Variants in FIGN observed in about 807,000 individuals in gnomAD.
FIGN encodes the protein fidgetin.
Under a neutral mutation model 51.3 loss-of-function variants are expected in FIGN, and 11 were observed. That is an observed-to-expected ratio of 0.21 (90% CI 0.13 to 0.35). The LOEUF (loss-of-function observed/expected upper bound fraction) is 0.35, where lower values mean the gene tolerates loss of function less well. FIGN is among the 10% of genes least tolerant of loss of function. The probability of loss-of-function intolerance (pLI) is 1.00; values close to 1 mark genes in which losing one functional copy is unlikely to be tolerated. For synonymous variants in FIGN, 407 were observed against 363.2 expected (o/e 1.12, Z -1.37); for missense variants, 857 against 943.6 (o/e 0.91, Z 1.20).
chr2:163,637,739 T>C (rs1683248392), intron 2 of FIGN, among the ~76,000 whole-genome samples: 1 of 152,212 alleles, frequency 6.6e-6, no homozygotes, highest in South Asian at 2.1e-4. Flanking sequence ...TTTAAAATTT[T>C]TATTTTTCCT....
At chr2:163,630,913 C>T (rs573947045) in intron 2 of FIGN, among the ~76,000 whole-genome samples, 1 of 152,308 alleles carries the variant, frequency 6.6e-6, no homozygotes, top group Non-Finnish European at 1.5e-5. Context: ...TCATACTCCT[C>T]TCAGCCCTAA....
At position 163,609,454 on chromosome 2, in the gene FIGN, C is replaced by A. The variant is rs375836679; in HGVS notation, c.*98G>T. On this transcript the variant is annotated 3_prime_UTR_variant, in exon 3 of 3. Transcript: ENST00000333129. ...TCGTCATCTTCCCCAGTACCCTTTGCAATTTAAACTCTACTGGAAAGGGGC... is the reference window on the plus strand; with the variant it reads ...TCGTCATCTTCCCCAGTACCCTTTGAAATTTAAACTCTACTGGAAAGGGGC... The A allele has an allele frequency of 2.0e-5, 21 of 1,035,378 alleles. No homozygotes were observed. The East Asian group carries it at 4.9e-4, about 24-fold the overall frequency. 64.1% of individuals were successfully genotyped at this position (1,035,378 alleles called of 1,614,324 possible). A position where few individuals can be genotyped will look rare whatever the true frequency, so the allele number is the denominator to read the frequency against.
intron 2 of FIGN, among the ~76,000 whole-genome samples, chr2:163,648,462 A>G (rs767308287): frequency 7.2e-5 from 11 of 152,176 alleles, no homozygotes; most frequent in Non-Finnish European, 1.3e-4. Flanking sequence ...TTTTCCTGTC[A>G]TTAGGGATTT....
rs142790757 is a variant in FIGN, at chr2:163,666,894, A to G, written c.26-55088T>C. On this transcript the variant is annotated intron_variant, in intron 2 of 2. Coordinates refer to ENST00000333129, the MANE Select transcript of FIGN (RefSeq NM_018086.4). ...TTCTGACTTGAGAAGTCTAAAACCA[A>G]ATTCACTAAAAAAAAAAAAATTGAG... 2.7e-3 allele frequency among the ~76,000 whole-genome samples: 368 copies of G among 136,248 alleles called. 9 individuals carry two copies. The South Asian group carries it at 0.052, about 19-fold the overall frequency. The allele number at this position is 136,248 out of a possible 152,430, so 89.4% of individuals were successfully genotyped here. A position where few individuals can be genotyped will look rare whatever the true frequency, so the allele number is the denominator to read the frequency against.
chr2:163,628,256 C>T (rs559395812), intron 2 of FIGN, among the ~76,000 whole-genome samples: 3 of 152,010 alleles, frequency 2.0e-5, no homozygotes, highest in Non-Finnish European at 4.4e-5. Flanking sequence ...GGTGGCTATA[C>T]AGAGGAGCTA....
At chr2:163,724,626 G>C (rs1436632824) in intron 2 of FIGN, among the ~76,000 whole-genome samples, 1 of 152,058 alleles carries the variant, frequency 6.6e-6, no homozygotes, top group Non-Finnish European at 1.5e-5. Flanking sequence ...CCAATTCAAA[G>C]TATTCAATGA....
intron 2 of FIGN, among the ~76,000 whole-genome samples, chr2:163,700,964 AACTCTTCACT>A (rs1684399656): frequency 6.6e-6 from 1 of 152,168 alleles, no homozygotes; most frequent in African/African-American, 2.4e-5. Flanking sequence ...CTAGATGTAC[AACTCTTCACT>A]GGGTGCTTTA....
intron 2 of FIGN, among the ~76,000 whole-genome samples, chr2:163,649,405 G>A (rs1683435058): frequency 6.6e-6 from 1 of 152,096 alleles, no homozygotes; most frequent in Non-Finnish European, 1.5e-5. Context: ...GCTTTTGGGG[G>A]TCTGACTTTT....
At chr2:163,712,809 CA>C (rs1458041374) in intron 2 of FIGN, among the ~76,000 whole-genome samples, 1 of 152,064 alleles carries the variant, frequency 6.6e-6, no homozygotes, top group Admixed American at 6.6e-5. Context: ...AAACAACCTC[CA>C]AAAGAAATGG....
chr2:163,735,612 G>A (rs1029225231), intron 1 of FIGN, among the ~76,000 whole-genome samples: 1 of 152,158 alleles, frequency 6.6e-6, no homozygotes, highest in Non-Finnish European at 1.5e-5. Context: ...TTGTTACAAT[G>A]ATTAAGCAGC....
chr2:163,692,299 G>C (rs1031168946), intron 2 of FIGN, among the ~76,000 whole-genome samples: 2 of 152,144 alleles, frequency 1.3e-5, no homozygotes, highest in African/African-American at 4.8e-5. Flanking sequence ...AGTACCAGTA[G>C]GAGGTGTTGG....
At chr2:163,644,977 G>A (rs1411839181) in intron 2 of FIGN, among the ~76,000 whole-genome samples, 1 of 152,164 alleles carries the variant, frequency 6.6e-6, no homozygotes, top group Non-Finnish European at 1.5e-5. Flanking sequence ...GTTTCTATCT[G>A]AGATAAGAAA....
At chr2:163,688,114 T>C (rs1246130218) in intron 2 of FIGN, among the ~76,000 whole-genome samples, 2 of 152,214 alleles carry the variant, frequency 1.3e-5, no homozygotes. Context: ...AAGATACATG[T>C]ATATATACGG....
At chr2:163,698,058 G>GA (rs1684351667) in intron 2 of FIGN, among the ~76,000 whole-genome samples, 1 of 152,218 alleles carries the variant, frequency 6.6e-6, no homozygotes, top group Middle Eastern at 3.4e-3. Flanking sequence ...ATGAGCTTTG[G>GA]AATGAGAAAG....
chr2:163,618,962 A>G (rs1265765444), intron 2 of FIGN, among the ~76,000 whole-genome samples: 1 of 152,170 alleles, frequency 6.6e-6, no homozygotes, highest in African/African-American at 2.4e-5. Flanking sequence ...ACCCTCTTAC[A>G]ACACAACACG....
At chr2:163,715,124 T>C (rs1319154861) in intron 2 of FIGN, among the ~76,000 whole-genome samples, 1 of 152,240 alleles carries the variant, frequency 6.6e-6, no homozygotes, top group Non-Finnish European at 1.5e-5. Context: ...TCTGTGGCTA[T>C]GCCTGGTTCA....
intron 2 of FIGN, among the ~76,000 whole-genome samples, chr2:163,650,432 G>A (rs1471351663): frequency 6.6e-6 from 1 of 151,808 alleles, no homozygotes; most frequent in African/African-American, 2.4e-5. Flanking sequence ...TGCGACACAT[G>A]TGCAGAATGT....
chr2:163,632,737 G>C (rs1426682955), intron 2 of FIGN, among the ~76,000 whole-genome samples: 1 of 152,140 alleles, frequency 6.6e-6, no homozygotes, highest in Admixed American at 6.5e-5. Context: ...GGTGTTCTAG[G>C]AGAAAGAACT....
Position 163,610,393 on chromosome 2 carries a change from C to T in FIGN, c.1439G>A (p.Gly480Glu). 8.1e-6 allele frequency: 13 copies of T among 1,614,092 alleles called. No homozygotes were observed. The highest frequency in any genetic ancestry group is 1.1e-5 in the Non-Finnish European group (13 of 1,180,018). Residue 480 changes from glycine (G) to glutamate (E), a missense_variant, in exon 3 of 3, where the codon GGA becomes GAA. This residue lies in a region of FIGN where 799 missense variants were observed against 849.5 expected (regional missense o/e 0.94). Coordinates refer to ENST00000333129, the MANE Select transcript of FIGN (RefSeq NM_018086.4). ...DLVTNEIITQ[G>E]PPVDWNDIAG... ...AATGTCATTCCAGTCCACTGGAGGTCCTTGGGTGATAATCTCATTGGTTAC... is the reference window on the plus strand; with the variant it reads ...AATGTCATTCCAGTCCACTGGAGGTTCTTGGGTGATAATCTCATTGGTTAC...
Sources: gnomAD v4.1 joint callset for allele counts (sites outside exome capture counted in the v4.1 genomes callset) on GRCh38, gnomAD v4.1.1 for gene constraint, gnomAD v4.1.1 regional missense constraint, MANE v1.5 for transcripts, NCBI Gene and HGNC (gene_info 2026-07-23, HGNC 2026-07-21) for gene names.